The following SETDB1 variants were observed in gnomAD, a reference collection of about 807,000 sequenced individuals.
The protein encoded by SETDB1 is histone-lysine N-methyltransferase SETDB1.
A neutral mutation model predicts 137.4 loss-of-function variants in SETDB1; 31 were observed. That is an observed-to-expected ratio of 0.23 (90% CI 0.17 to 0.30). SETDB1 has a LOEUF of 0.30. SETDB1 is among the 10% of genes least tolerant of loss of function. SETDB1 has a pLI of 1.00. For synonymous variants in SETDB1, 548 were observed against 579.9 expected (o/e 0.95, Z 0.79); for missense variants, 1,113 against 1,631.5 (o/e 0.68, Z 5.47).
chr1:150,946,172 A>G (rs1166786470), intron 9 of SETDB1, among the ~76,000 whole-genome samples: 1 of 151,022 alleles, frequency 6.6e-6, no homozygotes, highest in Non-Finnish European at 1.5e-5. Flanking sequence ...AGTGCATGCC[A>G]CCACACCTGG....
chr1:150,961,958 C>T (rs911807176), intron 16 of SETDB1, 172 bp from the exon 17 acceptor site: 2 of 744,998 alleles, frequency 2.7e-6, no homozygotes, highest in Non-Finnish European at 2.4e-6. Flanking sequence ...AGGCTCCAGC[C>T]AGGGAGTGTA....
At chr1:150,928,740 C>T (rs966792418) in intron 2 of SETDB1, among the ~76,000 whole-genome samples, 3 of 152,024 alleles carry the variant, frequency 2.0e-5, no homozygotes, top group African/African-American at 7.2e-5. Context: ...ACTATCCCTC[C>T]CCCTTCCCCC....
chr1:150,946,698 T>C (rs1355739054), intron 9 of SETDB1, among the ~76,000 whole-genome samples, 188 bp from the exon 10 acceptor site: 1 of 152,210 alleles, frequency 6.6e-6, no homozygotes, highest in African/African-American at 2.4e-5. Flanking sequence ...TCCACCTGCC[T>C]CAGCCTCCCA....
chr1:150,962,584 TAG>T lies in SETDB1; in HGVS notation c.3162_3163del, dbSNP rs1670855834. 1 of 1,613,948 alleles carries T rather than the reference TAG, an allele frequency of 6.2e-7. No individual in the cohort carries two copies. Among genetic ancestry groups the T allele is most frequent in the Non-Finnish European group, 8.5e-7 (1 of 1,179,852 alleles). ...TTGGCTTCATTCCTTCCCCTCCCAT[TAG>T]AGTTACTGAAAGCTCTCGAAATTAC... On this transcript the variant is annotated splice_acceptor_variant, in intron 17 of 21. Coordinates refer to ENST00000692827, the MANE Select transcript of SETDB1 (RefSeq NM_001366418.1). LOFTEE classifies it high-confidence loss of function.
intron 14 of SETDB1, 137 bp from the exon 15 acceptor site, chr1:150,959,037 CACTT>C (rs1307426453): frequency 6.7e-6 from 4 of 595,886 alleles, no homozygotes; most frequent in South Asian, 5.7e-5. Context: ...TAGATCCACT[CACTT>C]AGATCATTAC....
At position 150,959,422 on chromosome 1, in the gene SETDB1, A is replaced by T. The variant is rs587740392; in HGVS notation, c.2503+75A>T. On this transcript the variant is annotated intron_variant, in intron 15 of 21. Coordinates refer to ENST00000692827, the MANE Select transcript of SETDB1 (RefSeq NM_001366418.1). Reference sequence around the variant, plus strand: ...GAATTGAACCAGAGACAAATTGAACATAAGAAGAAAGTGCTTGACATGTGA... The same window carrying T: ...GAATTGAACCAGAGACAAATTGAACTTAAGAAGAAAGTGCTTGACATGTGA... The T allele has an allele frequency of 1.2e-4, 159 of 1,291,874 alleles. No individual in the cohort carries two copies. The Middle Eastern group carries it at 1.5e-3, about 12-fold the overall frequency. 80.0% of individuals were successfully genotyped at this position (1,291,874 alleles called of 1,614,324 possible).
intron 5 of SETDB1, 117 bp from the exon 6 acceptor site, chr1:150,942,446 C>CAA (rs11430191): frequency 0.026 from 17,302 of 666,672 alleles, 10 homozygotes; most frequent in South Asian, 0.032. Flanking sequence ...GACTCCATCT[C>CAA]AAAAAAAAAA....
At chr1:150,939,251 A>ATTTTTTTT (rs71580343) in intron 3 of SETDB1, among the ~76,000 whole-genome samples, 1 of 107,190 alleles carries the variant, frequency 9.3e-6, no homozygotes. Flanking sequence ...TGCACCCAGC[A>ATTTTTTTT]TTTTTTTTTT....
chr1:150,956,153 C>T (rs1571656201), intron 14 of SETDB1, among the ~76,000 whole-genome samples: 2 of 149,390 alleles, frequency 1.3e-5, no homozygotes, highest in African/African-American at 2.5e-5. Flanking sequence ...TTTGGGAGGC[C>T]GAGACAGGTG....
chr1:150,927,939 G>A lies in SETDB1; in HGVS notation c.225G>A (p.Val75=), dbSNP rs1198616516. 6.8e-6 allele frequency: 11 copies of A among 1,614,082 alleles called. No individual in the cohort carries two copies. The highest frequency in any genetic ancestry group is 9.3e-6 in the Non-Finnish European group (11 of 1,180,034). Residue 75 remains valine, a synonymous_variant, in exon 2 of 22, where the codon GTG becomes GTA. Coordinates refer to ENST00000692827, the MANE Select transcript of SETDB1 (RefSeq NM_001366418.1). ...ETWVIQKESE[V]AHVDQLFDDA... ...GGGTAATACAGAAAGAATCTGAGGT[G>A]GCTCACGTTGACCAACTCTTTGATG...
At chr1:150,937,586 C>T (rs1040819436) in intron 3 of SETDB1, among the ~76,000 whole-genome samples, 1 of 152,046 alleles carries the variant, frequency 6.6e-6, no homozygotes, top group African/African-American at 2.4e-5. Context: ...GAACCTGTCT[C>T]TTTAAAAAGA....
chr1:150,960,549 C>T lies in SETDB1; in HGVS notation c.2504-14C>T. The stretch of plus-strand genomic sequence containing the variant: ...CCATAACCCTAGAAGGCCTTTAATT[C>T]TCTTCATTCTCAGGCAAAATCCTGA... On this transcript the variant is annotated splice_polypyrimidine_tract_variant and intron_variant, in intron 15 of 21. Coordinates refer to ENST00000692827, the MANE Select transcript of SETDB1 (RefSeq NM_001366418.1). The T allele has an allele frequency of 1.3e-6, 2 of 1,564,812 alleles. No homozygotes were observed. Among genetic ancestry groups the T allele is most frequent in the Non-Finnish European group, 1.7e-6 (2 of 1,148,976 alleles).
intron 14 of SETDB1, among the ~76,000 whole-genome samples, chr1:150,955,567 C>G (rs1029241652): frequency 2.0e-5 from 3 of 152,246 alleles, no homozygotes; most frequent in African/African-American, 7.2e-5. Flanking sequence ...GCTGTAAAGT[C>G]ACCTCCTCAG....
chr1:150,963,401 T>A, intron 19 of SETDB1, 129 bp from the exon 20 acceptor site: 1 of 901,724 alleles, frequency 1.1e-6, no homozygotes, highest in Non-Finnish European at 1.7e-6. Flanking sequence ...TTAGGATCTT[T>A]GAGTTCCAGC....
At chr1:150,942,528 C>A in intron 5 of SETDB1, 35 bp from the exon 6 acceptor site, 1 of 1,589,798 alleles carries the variant, frequency 6.3e-7, no homozygotes, top group Non-Finnish European at 8.6e-7. Context: ...GAATCTATGT[C>A]ATAACTCTTG....
intron 15 of SETDB1, 85 bp from the exon 16 acceptor site, chr1:150,960,478 A>AG: frequency 5.2e-6 from 1 of 192,662 alleles, no homozygotes. Context: ...CTCCATCTGG[A>AG]AAAAAAAAAA....
In SETDB1 at chr1:150,956,084, T is replaced by G. The variant is rs1199642138; in HGVS notation, c.2334-3094T>G. Among the ~76,000 whole-genome samples the G allele has an allele frequency of 5.9e-5, 7 of 118,446 alleles. No individual in the cohort carries two copies. The East Asian group carries it at 1.8e-3, about 30-fold the overall frequency. 77.7% of individuals were successfully genotyped at this position (118,446 alleles called of 152,430 possible). Reference sequence around the variant, plus strand: ...TCCAGCCTGGGCGACAGAAGGAGACTTCGTCTCAAAAAAAAAAAAAAAGCC... The same window carrying G: ...TCCAGCCTGGGCGACAGAAGGAGACGTCGTCTCAAAAAAAAAAAAAAAGCC... On this transcript the variant is annotated intron_variant, in intron 14 of 21. Transcript: ENST00000692827.
At position 150,942,949 on chromosome 1, in the gene SETDB1, G is replaced by C. The variant is rs1206388304; in HGVS notation, c.771G>C (p.Lys257Asn). ...IAYDYHPPAD[K>N]LYVGSRVVAK... ...ATGATTACCACCCTCCTGCTGACAA[G>C]CTGTATGTGGGCAGTCGGGTGGTCG... is the stretch of plus-strand genomic sequence containing the variant. Residue 257 changes from lysine to asparagine, a missense_variant, in exon 7 of 22, where the codon AAG becomes AAC. This residue lies in a region of SETDB1 where 154 missense variants were observed against 303.1 expected (regional missense o/e 0.51). Coordinates refer to ENST00000692827, the MANE Select transcript of SETDB1 (RefSeq NM_001366418.1). 1 of 1,613,882 alleles carries C rather than the reference G, an allele frequency of 6.2e-7. No individual in the cohort carries two copies. The highest frequency in any genetic ancestry group is 1.1e-5 in the South Asian group (1 of 91,068).
At chr1:150,955,547 T>C (rs189399656) in intron 14 of SETDB1, among the ~76,000 whole-genome samples, 2 of 152,368 alleles carry the variant, frequency 1.3e-5, no homozygotes, top group Admixed American at 1.3e-4. Flanking sequence ...TCTTTAACCT[T>C]GAGCTTTCAG....
Sources: gnomAD v4.1 joint callset for allele counts (sites outside exome capture counted in the v4.1 genomes callset) on GRCh38, gnomAD v4.1.1 for gene constraint, gnomAD v4.1.1 regional missense constraint, MANE v1.5 for transcripts, NCBI Gene and HGNC (gene_info 2026-07-23, HGNC 2026-07-21) for gene names.